The following COL5A1 variants were observed in gnomAD, a reference collection of about 807,000 sequenced individuals.
The protein encoded by COL5A1 is collagen alpha-1(V) chain.
In COL5A1, 16 loss-of-function variants were observed where a neutral mutation model predicts 263.7. That is an observed-to-expected ratio of 0.06 (90% CI 0.04 to 0.09). The LOEUF (loss-of-function observed/expected upper bound fraction) is 0.09, where lower values mean the gene tolerates loss of function less well. Among genes scored for constraint, COL5A1 ranks in the 10% least tolerant of loss-of-function variants. The pLI, the probability that COL5A1 is intolerant of heterozygous loss-of-function variation, is 1.00. For missense variants in COL5A1, 2,036 were observed against 2,540.5 expected, an observed-to-expected ratio of 0.80 and a Z score of 4.27; for synonymous variants, 1,012 against 1,004.5, an observed-to-expected ratio of 1.01 and a Z score of -0.14.
intron 9 of COL5A1, among the ~76,000 whole-genome samples, chr9:134,735,505 C>G (rs1464419173): frequency 1.3e-5 from 2 of 152,182 alleles, no homozygotes; most frequent in Non-Finnish European, 2.9e-5. Flanking sequence ...CCACAGCTTG[C>G]CTGGGAAGGT....
intron 11 of COL5A1, among the ~76,000 whole-genome samples, chr9:134,744,565 A>G (rs1835415973): frequency 6.6e-6 from 1 of 150,484 alleles, no homozygotes; most frequent in Non-Finnish European, 1.5e-5. Context: ...ACATCCACAT[A>G]TACATGCATG....
chr9:134,827,056 TG>T (rs1387646398), intron 63 of COL5A1, among the ~76,000 whole-genome samples: 1 of 152,184 alleles, frequency 6.6e-6, no homozygotes, highest in Non-Finnish European at 1.5e-5. Context: ...CTCTCCTTCA[TG>T]AGCTCGCAGT....
At chr9:134,834,949 C>T in intron 64 of COL5A1, 22 bp from the exon 65 acceptor site, 1 of 1,573,330 alleles carries the variant, frequency 6.4e-7, no homozygotes, top group South Asian at 1.1e-5. Context: ...CCTGCTGAGC[C>T]CCAACACCCC....
rs760537031 is a variant in COL5A1, at chr9:134,802,105, G to A, written c.3006+98G>A. The A allele has an allele frequency of 6.1e-5, 74 of 1,211,042 alleles. 1 individual carries two copies. Among genetic ancestry groups the A allele is most frequent in the Middle Eastern group, 5.6e-4 (3 of 5,324 alleles). 75.0% of individuals were successfully genotyped at this position (1,211,042 alleles called of 1,614,324 possible). ...GGGCATCTGTTCCCTCCACGATTCC[G>A]GAGGTGCAGGTACTGCTGAGAGGTT... On this transcript the variant is annotated intron_variant, in intron 38 of 65. Transcript: ENST00000371817.
chr9:134,705,925 G>A (rs921747265), intron 4 of COL5A1, among the ~76,000 whole-genome samples: 54 of 152,220 alleles, frequency 3.5e-4, no homozygotes, highest in African/African-American at 1.3e-3. Context: ...TGAGGGTCCC[G>A]CCAGCCCCAG....
chr9:134,818,833 G>A lies in COL5A1; in HGVS notation c.4339-15G>A, dbSNP rs371268735. ...GGGGGACCAGCAACTCATGCAGAGC[G>A]TCTCTGTGTTTCAGGGAGAACAAGG... On this transcript the variant is annotated splice_polypyrimidine_tract_variant and intron_variant, in intron 55 of 65. Coordinates refer to ENST00000371817, the MANE Select transcript of COL5A1 (RefSeq NM_000093.5). This position sits in a 1 kb window ranked among gnomAD's most constrained non-coding sequence, Gnocchi z 6.0. 55 of 1,613,094 alleles carry A rather than the reference G, an allele frequency of 3.4e-5. No homozygotes were observed. The Admixed American group carries it at 4.0e-4, about 12-fold the overall frequency.
intron 18 of COL5A1, among the ~76,000 whole-genome samples, chr9:134,760,182 TACACCCCC>T (rs761787193): frequency 6.8e-4 from 26 of 38,434 alleles, no homozygotes; most frequent in South Asian, 2.8e-3. Context: ...CACACACACA[TACACCCCC>T]ACACCCCCAC....
intron 23 of COL5A1, 89 bp downstream of exon 23, chr9:134,767,142 C>T (rs1836703309): frequency 1.3e-6 from 2 of 1,495,874 alleles, no homozygotes; most frequent in Non-Finnish European, 1.9e-6. Context: ...AAGCGGGGAG[C>T]TCTGTCCCCT....
intron 1 of COL5A1, among the ~76,000 whole-genome samples, chr9:134,645,765 G>A (rs1368633115): frequency 6.6e-6 from 1 of 152,184 alleles, no homozygotes; most frequent in Non-Finnish European, 1.5e-5. Context: ...GTCACTCTTT[G>A]ACTTGTCACA....
At chr9:134,761,047 GCCCACACTCACA>G (rs1836408545) in intron 18 of COL5A1, among the ~76,000 whole-genome samples, 1 of 128,696 alleles carries the variant, frequency 7.8e-6, no homozygotes, top group Admixed American at 7.9e-5. Context: ...CTCCACACAT[GCCCACACTCACA>G]CCCACATGCA....
chr9:134,641,913 G>A lies in COL5A1; in HGVS notation c.-275G>A. The A allele has an allele frequency of 2.6e-6, 1 of 388,246 alleles. No individual in the cohort carries two copies. Among genetic ancestry groups the A allele is most frequent in the African/African-American group, 2.1e-5 (1 of 47,662 alleles). 24.1% of individuals were successfully genotyped at this position (388,246 alleles called of 1,614,324 possible). A position where few individuals can be genotyped will look rare whatever the true frequency, so the allele number is the denominator to read the frequency against. On this transcript the variant is annotated 5_prime_UTR_variant, in exon 1 of 66. Coordinates refer to ENST00000371817, the MANE Select transcript of COL5A1 (RefSeq NM_000093.5). ...GAGGAGGAGGCGAGAAGGAGTTGGA[G>A]GAGGAGGAGGAGGAGGCGAGGGCGA... is the stretch of plus-strand genomic sequence containing the variant.
chr9:134,797,795 CT>C (rs947671552), intron 36 of COL5A1, among the ~76,000 whole-genome samples: 1 of 152,158 alleles, frequency 6.6e-6, no homozygotes, highest in African/African-American at 2.4e-5. Context: ...CCGGCCATCT[CT>C]TTCATTTTAT....
At chr9:134,824,144 A>C (rs990000533) in intron 61 of COL5A1, among the ~76,000 whole-genome samples, 1 of 151,902 alleles carries the variant, frequency 6.6e-6, no homozygotes, top group African/African-American at 2.4e-5. Context: ...AGTCTCTCCA[A>C]CTCCCATCGT....
intron 17 of COL5A1, 92 bp downstream of exon 17, chr9:134,756,910 A>G (rs988291118): frequency 1.0e-4 from 131 of 1,263,494 alleles, no homozygotes; most frequent in African/African-American, 5.1e-4. Flanking sequence ...TTATGTGATG[A>G]CTACGATTAT....
In COL5A1 at chr9:134,727,070, T is replaced by TGGAC. The variant is rs1554787470; in HGVS notation, c.655-193_655-192insCGGA. Among the ~76,000 whole-genome samples the TGGAC allele has an allele frequency of 8.6e-5, 13 of 151,376 alleles. No individual in the cohort carries two copies. In the South Asian group the frequency reaches 1.5e-3, roughly 17 times the overall value. ...ACGGATGGATGGATGGATGGATGGATGGATGGATGGGCCAGCCTAGCTTGA... is the reference window on the plus strand; with the variant it reads ...ACGGATGGATGGATGGATGGATGGATGGACGGATGGATGGGCCAGCCTAGCTTGA... On this transcript the variant is annotated intron_variant, in intron 4 of 65. Transcript: ENST00000371817.
intron 2 of COL5A1, among the ~76,000 whole-genome samples, chr9:134,698,453 AG>A (rs1833561165): frequency 6.6e-6 from 1 of 152,186 alleles, no homozygotes; most frequent in African/African-American, 2.4e-5. Context: ...GGGGCCTTGG[AG>A]GGTTTGCCTG....
At chr9:134,775,207 C>T (rs1837008511) in intron 27 of COL5A1, among the ~76,000 whole-genome samples, 1 of 152,244 alleles carries the variant, frequency 6.6e-6, no homozygotes, top group African/African-American at 2.4e-5. Context: ...CGGGACACGT[C>T]CTTTTGCTTC....
chr9:134,830,904 C>T lies in COL5A1; in HGVS notation c.5136+860C>T, dbSNP rs116775442. Among the ~76,000 whole-genome samples the T allele has an allele frequency of 7.2e-3, 1,091 of 152,300 alleles. 19 individuals carry two copies. Among genetic ancestry groups the T allele is most frequent in the African/African-American group, 0.024 (1,017 of 41,556 alleles). Reference sequence around the variant, plus strand: ...CCCACCGGAGTTTGATTTGGGCCCTCTCCTGGAATGAAGAGCAGAGTTCTG... The same window carrying T: ...CCCACCGGAGTTTGATTTGGGCCCTTTCCTGGAATGAAGAGCAGAGTTCTG... On this transcript the variant is annotated intron_variant, in intron 64 of 65. Transcript: ENST00000371817.
chr9:134,820,296 G>T, intron 58 of COL5A1, 73 bp downstream of exon 58: 2 of 1,206,672 alleles, frequency 1.7e-6, no homozygotes, highest in East Asian at 2.4e-5. Flanking sequence ...GCACCCAGGG[G>T]ACAGGAGGCC....
Sources: gnomAD v4.1 joint callset for allele counts (sites outside exome capture counted in the v4.1 genomes callset) on GRCh38, gnomAD v4.1.1 for gene constraint, Gnocchi (gnomAD v3.1) non-coding constraint, MANE v1.5 for transcripts, NCBI Gene and HGNC (gene_info 2026-07-23, HGNC 2026-07-21) for gene names.